Variants in ANGPT2 observed in about 807,000 individuals in gnomAD.
ANGPT2 encodes angiopoietin 2.
A neutral mutation model predicts 62.9 loss-of-function variants in ANGPT2; 28 were observed. That is an observed-to-expected ratio of 0.44 (90% CI 0.33 to 0.61). The LOEUF (loss-of-function observed/expected upper bound fraction) is 0.61, where lower values mean the gene tolerates loss of function less well. Ranked by LOEUF, ANGPT2 falls within the 20% of genes least tolerant of loss-of-function variation. The pLI, the probability that ANGPT2 is intolerant of heterozygous loss-of-function variation, is 0.03. For missense variants in ANGPT2, 727 were observed against 594.9 expected (o/e 1.22, Z -2.31); for synonymous variants, 284 against 207.8 (o/e 1.37, Z -3.15).
Position 6,509,012 on chromosome 8 carries a change from C to T in ANGPT2, c.1247G>A (p.Ser416Asn). ...TGTGCTAAAATCATTTCCTGGTTGG[C>T]TGATGCTGCTTATTTTGCCGGCTGT... ...TGTAGKISSI[S>N]QPGNDFSTKD... Residue 416 changes from serine (S) to asparagine (N), a missense_variant, in exon 8 of 9, where the codon AGC (serine) becomes AAC (asparagine). By Grantham distance (46) the Ser-to-Asn change is conservative. Transcript: ENST00000629816. The T allele has an allele frequency of 6.2e-7, 1 of 1,614,070 alleles. No individual in the cohort carries two copies. The highest frequency in any genetic ancestry group is 8.5e-7 in the Non-Finnish European group (1 of 1,180,010).
rs900094970 is a variant in ANGPT2 at position 6,500,850 on chromosome 8, A to G, written c.*2251T>C. The G allele has an allele frequency of 1.3e-5, 2 of 152,298 alleles. No homozygotes were observed. The highest frequency in any genetic ancestry group is 6.5e-5 in the Admixed American group (1 of 15,296). 9.4% of individuals were successfully genotyped at this position (152,298 alleles called of 1,614,324 possible). ...ATATATGATGCACAATGACATAATGAGATTTGTCCTTGAATTTTTTATCAC... is the reference window on the plus strand; with the variant it reads ...ATATATGATGCACAATGACATAATGGGATTTGTCCTTGAATTTTTTATCAC... On this transcript the variant is annotated 3_prime_UTR_variant, in exon 9 of 9. Transcript: ENST00000629816.
At chr8:6,550,738 C>A (rs1012855511) in intron 1 of ANGPT2, among the ~76,000 whole-genome samples, 2 of 152,102 alleles carry the variant, frequency 1.3e-5, no homozygotes, top group South Asian at 4.1e-4. Flanking sequence ...CAGAGTTTTG[C>A]GGCCTGTGTA....
chr8:6,550,199 A>G (rs925963704), intron 1 of ANGPT2, among the ~76,000 whole-genome samples: 1 of 152,166 alleles, frequency 6.6e-6, no homozygotes, highest in Non-Finnish European at 1.5e-5. Context: ...CCATCTCCAG[A>G]TGTTACTCAC....
chr8:6,550,303 C>T (rs1022353714), intron 1 of ANGPT2, among the ~76,000 whole-genome samples: 2 of 152,138 alleles, frequency 1.3e-5, no homozygotes, highest in Admixed American at 1.3e-4. Flanking sequence ...GGGCATCTGC[C>T]TCTCCCTATG....
chr8:6,513,556 A>G lies in ANGPT2; in HGVS notation c.1196+122T>C, dbSNP rs552258457. The stretch of plus-strand genomic sequence containing the variant: ...CACTTTGTTTGCCAGGATGGTCTCA[A>G]TCTCCTGACCTCGTGATCTGCCCAC... On this transcript the variant is annotated intron_variant, in intron 7 of 8. Coordinates refer to ENST00000629816, the MANE Select transcript of ANGPT2 (RefSeq NM_001118887.2). The G allele has an allele frequency of 1.6e-4, 99 of 637,466 alleles. No individual in the cohort carries two copies. The African/African-American group carries it at 1.7e-3, about 11-fold the overall frequency. 39.5% of individuals were successfully genotyped at this position (637,466 alleles called of 1,614,324 possible). A position where few individuals can be genotyped will look rare whatever the true frequency, so the allele number is the denominator to read the frequency against.
At chr8:6,544,486 G>A (rs564354256) in intron 1 of ANGPT2, among the ~76,000 whole-genome samples, 4 of 152,226 alleles carry the variant, frequency 2.6e-5, no homozygotes, top group East Asian at 1.9e-4. Context: ...TATATGTTAC[G>A]TCAAACTGTT....
chr8:6,528,158 T>G (rs2442610), intron 2 of ANGPT2, among the ~76,000 whole-genome samples: 1 of 152,122 alleles, frequency 6.6e-6, no homozygotes, highest in South Asian at 2.1e-4. Context: ...CGGCCTCCCA[T>G]AGTGCTGGGA....
chr8:6,551,393 A>C (rs796077101), intron 1 of ANGPT2, among the ~76,000 whole-genome samples: 14 of 152,350 alleles, frequency 9.2e-5, no homozygotes, highest in African/African-American at 3.4e-4. Flanking sequence ...AACTGTAAAC[A>C]AATTATATGT....
At chr8:6,514,868 A>G in intron 5 of ANGPT2, 90 bp from the exon 6 acceptor site, 7 of 1,109,088 alleles carry the variant, frequency 6.3e-6, no homozygotes, top group Admixed American at 3.6e-5. Flanking sequence ...CCCTGAGTGC[A>G]GGACTCAGCC....
intron 1 of ANGPT2, among the ~76,000 whole-genome samples, chr8:6,561,742 G>T (rs1314204799): frequency 6.6e-6 from 1 of 152,066 alleles, no homozygotes; most frequent in Non-Finnish European, 1.5e-5. Flanking sequence ...TTCCAGGTTC[G>T]TTTTGGATTT....
At position 6,500,739 on chromosome 8, in the gene ANGPT2, C is replaced by T. The variant is rs1812006349; in HGVS notation, c.*2362G>A. On this transcript the variant is annotated 3_prime_UTR_variant, in exon 9 of 9. Coordinates refer to ENST00000629816, the MANE Select transcript of ANGPT2 (RefSeq NM_001118887.2). Reference sequence around the variant, plus strand: ...AAGGAGAGACAAAAGCTCCTCTCAGCAAAACTGTTTGTTTGAAATACCGTG... The same window carrying T: ...AAGGAGAGACAAAAGCTCCTCTCAGTAAAACTGTTTGTTTGAAATACCGTG... The T allele has an allele frequency of 6.6e-6, 1 of 152,158 alleles. No individual in the cohort carries two copies. The highest frequency in any genetic ancestry group is 2.4e-5 in the African/African-American group (1 of 41,430). The allele number at this position is 152,158 out of a possible 1,614,324, so 9.4% of individuals were successfully genotyped here. A position where few individuals can be genotyped will look rare whatever the true frequency, so the allele number is the denominator to read the frequency against.
chr8:6,554,248 T>C (rs1025496406), intron 1 of ANGPT2, among the ~76,000 whole-genome samples: 12 of 151,116 alleles, frequency 7.9e-5, no homozygotes, highest in African/African-American at 2.4e-4. Flanking sequence ...CCAGGTGGTC[T>C]GGACTAAATG....
intron 1 of ANGPT2, among the ~76,000 whole-genome samples, chr8:6,536,226 A>T (rs934112820): frequency 6.6e-6 from 1 of 152,186 alleles, no homozygotes; most frequent in African/African-American, 2.4e-5. Flanking sequence ...AGGAACAGCC[A>T]CAGTAATGGT....
chr8:6,538,770 G>C (rs757407250), intron 1 of ANGPT2, among the ~76,000 whole-genome samples: 1 of 152,132 alleles, frequency 6.6e-6, no homozygotes, highest in Non-Finnish European at 1.5e-5. Flanking sequence ...TGCTTGCTTG[G>C]TGAAGAGTGA....
At chr8:6,548,145 G>C (rs576684963) in intron 1 of ANGPT2, among the ~76,000 whole-genome samples, 3 of 152,118 alleles carry the variant, frequency 2.0e-5, no homozygotes, top group African/African-American at 7.2e-5. Flanking sequence ...TGAGTAGTTG[G>C]TTCCACTGGA....
At chr8:6,532,290 C>T in intron 2 of ANGPT2, 42 bp downstream of exon 2, 1 of 1,612,934 alleles carries the variant, frequency 6.2e-7, no homozygotes, top group East Asian at 2.2e-5. Flanking sequence ...GTGCTAGTCT[C>T]TAGCTGCAGG....
At chr8:6,514,229 G>A (rs756351567) in intron 6 of ANGPT2, among the ~76,000 whole-genome samples, 3 of 152,156 alleles carry the variant, frequency 2.0e-5, no homozygotes, top group Non-Finnish European at 4.4e-5. Flanking sequence ...TTACTCTGTT[G>A]CCCAGGCTGG....
chr8:6,508,589 A>G (rs1814271771), intron 8 of ANGPT2: 1 of 444,628 alleles, frequency 2.2e-6, no homozygotes, highest in Non-Finnish European at 3.9e-6. Context: ...GGAATTTTTA[A>G]CTTTTTACAT....
chr8:6,562,384 A>C (rs1237250263), intron 1 of ANGPT2, among the ~76,000 whole-genome samples: 1 of 151,998 alleles, frequency 6.6e-6, no homozygotes, highest in Non-Finnish European at 1.5e-5. Context: ...CTTGTTAATA[A>C]AGATTTCTAA....
Sources: allele counts gnomAD v4.1 joint callset (sites outside exome capture counted in the v4.1 genomes callset), GRCh38; gene constraint gnomAD v4.1.1; transcripts MANE v1.5; gene names NCBI Gene and HGNC (gene_info 2026-07-23, HGNC 2026-07-21).